The following ATRNL1 variants were observed in gnomAD, a reference collection of about 807,000 sequenced individuals.
ATRNL1 encodes attractin-like protein 1.
A neutral mutation model predicts 182.7 loss-of-function variants in ATRNL1; 95 were observed. The observed-to-expected ratio is 0.52, with a 90% CI of 0.44 to 0.62. The LOEUF (loss-of-function observed/expected upper bound fraction) is 0.62, where lower values mean the gene tolerates loss of function less well. ATRNL1 is among the 20% of genes least tolerant of loss of function. The probability of loss-of-function intolerance (pLI) is 0.00; values close to 1 mark genes in which losing one functional copy is unlikely to be tolerated. For synonymous variants in ATRNL1, 576 were observed against 568.3 expected (o/e 1.01, Z -0.19); for missense variants, 1,471 against 1,679.5 (o/e 0.88, Z 2.17).
chr10:115,940,317 G>A (rs1351712145), intron 28 of ATRNL1, among the ~76,000 whole-genome samples: 1 of 152,166 alleles, frequency 6.6e-6, no homozygotes, highest in African/African-American at 2.4e-5. Context: ...CTGGCCATTT[G>A]GGGCCAGTCG....
chr10:115,392,394 A>G (rs1208000570), intron 19 of ATRNL1, among the ~76,000 whole-genome samples: 1 of 152,144 alleles, frequency 6.6e-6, no homozygotes, highest in Non-Finnish European at 1.5e-5. Flanking sequence ...CTTAGTTAAT[A>G]TAAGGAACTC....
intron 24 of ATRNL1, among the ~76,000 whole-genome samples, chr10:115,505,955 G>GAA (rs1242111642): frequency 1.5e-5 from 2 of 136,548 alleles, no homozygotes; most frequent in Non-Finnish European, 1.6e-5. Flanking sequence ...CCTGGTGGAA[G>GAA]AAAAAAAAAA....
intron 24 of ATRNL1, among the ~76,000 whole-genome samples, chr10:115,477,526 A>T (rs1848588612): frequency 6.6e-6 from 1 of 151,564 alleles, no homozygotes; most frequent in South Asian, 2.1e-4. Context: ...ACACCTGTCT[A>T]ACTTCCTCCT....
At chr10:115,463,746 G>T (rs1847925235) in intron 22 of ATRNL1, among the ~76,000 whole-genome samples, 1 of 151,936 alleles carries the variant, frequency 6.6e-6, no homozygotes, top group Non-Finnish European at 1.5e-5. Flanking sequence ...TCATATAAAT[G>T]TAATCATTTG....
intron 7 of ATRNL1, among the ~76,000 whole-genome samples, chr10:115,167,354 T>C (rs1475271468): frequency 3.3e-5 from 5 of 152,114 alleles, no homozygotes; most frequent in Admixed American, 6.6e-5. Context: ...ACTTTGTTTT[T>C]ATTTCTCAAG....
Position 115,180,186 on chromosome 10 carries a change from G to A in ATRNL1, c.1348+8894G>A, listed in dbSNP as rs573681468. Among the ~76,000 whole-genome samples, 333 of 151,712 alleles carry A rather than the reference G, an allele frequency of 2.2e-3. 5 individuals carry two copies. The highest frequency in any genetic ancestry group is 7.7e-3 in the African/African-American group (318 of 41,446). ...AAAATCATGTTAATTTAAAAAAATT[G>A]TTGATTTTTTTCAACTTCTCCATTA... On this transcript the variant is annotated intron_variant, in intron 8 of 28. Coordinates refer to ENST00000355044, the MANE Select transcript of ATRNL1 (RefSeq NM_207303.4).
intron 26 of ATRNL1, among the ~76,000 whole-genome samples, chr10:115,689,681 A>G (rs192543801): frequency 6.6e-5 from 10 of 152,246 alleles, no homozygotes; most frequent in African/African-American, 9.6e-5. Flanking sequence ...GAAAGTATGT[A>G]TCTCTGGGTC....
At chr10:115,208,009 G>T (rs1315300911) in intron 8 of ATRNL1, among the ~76,000 whole-genome samples, 13 of 151,650 alleles carry the variant, frequency 8.6e-5, no homozygotes, top group African/African-American at 3.1e-4. Context: ...TTGTTATCCA[G>T]GTTTTTCAAT....
At chr10:115,474,612 A>G (rs1198797535) in intron 24 of ATRNL1, among the ~76,000 whole-genome samples, 3 of 151,024 alleles carry the variant, frequency 2.0e-5, no homozygotes, top group Non-Finnish European at 4.4e-5. Context: ...GAGTATCACC[A>G]GGGATCTTGG....
chr10:115,864,238 G>C (rs1951381299), intron 28 of ATRNL1, among the ~76,000 whole-genome samples: 1 of 150,728 alleles, frequency 6.6e-6, no homozygotes, highest in Non-Finnish European at 1.5e-5. Flanking sequence ...CAGCCTCGGA[G>C]CCTGGGTAAC....
At chr10:115,130,599 A>G (rs2143715431) in intron 5 of ATRNL1, among the ~76,000 whole-genome samples, 1 of 152,222 alleles carries the variant, frequency 6.6e-6, no homozygotes, top group South Asian at 2.1e-4. Flanking sequence ...TACCAATTGC[A>G]ATTATGTCAG....
intron 5 of ATRNL1, among the ~76,000 whole-genome samples, chr10:115,129,998 A>C (rs2143709603): frequency 6.6e-6 from 1 of 152,274 alleles, no homozygotes; most frequent in East Asian, 1.9e-4. Context: ...AAAGAACTAG[A>C]CTATTTTTAA....
At chr10:115,702,955 G>A (rs1326469712) in intron 26 of ATRNL1, among the ~76,000 whole-genome samples, 1 of 151,566 alleles carries the variant, frequency 6.6e-6, no homozygotes, top group Non-Finnish European at 1.5e-5. Flanking sequence ...AGAAAAAAAA[G>A]CCCAAATAGG....
At chr10:115,944,035 A>G (rs543040962) in intron 28 of ATRNL1, among the ~76,000 whole-genome samples, 2 of 151,966 alleles carry the variant, frequency 1.3e-5, no homozygotes, top group Non-Finnish European at 2.9e-5. Context: ...GACTTGGGGA[A>G]AGGGGGATAG....
intron 5 of ATRNL1, among the ~76,000 whole-genome samples, chr10:115,151,853 C>T (rs1233084265): frequency 2.6e-5 from 4 of 152,146 alleles, no homozygotes; most frequent in Non-Finnish European, 5.9e-5. Flanking sequence ...TTAGGTCCAA[C>T]ATTTAAGTCT....
chr10:115,492,960 G>C (rs879973948), intron 24 of ATRNL1, among the ~76,000 whole-genome samples: 1 of 151,780 alleles, frequency 6.6e-6, no homozygotes, highest in Non-Finnish European at 1.5e-5. Context: ...AGTATTTTTT[G>C]ATGGAAATGT....
chr10:115,312,841 A>C (rs1221495901), intron 17 of ATRNL1, among the ~76,000 whole-genome samples: 1 of 151,980 alleles, frequency 6.6e-6, no homozygotes, highest in Non-Finnish European at 1.5e-5. Flanking sequence ...GATTGGTATA[A>C]TTCAAAAGCT....
At chr10:115,763,761 T>C (rs183338648) in intron 27 of ATRNL1, among the ~76,000 whole-genome samples, 6 of 152,328 alleles carry the variant, frequency 3.9e-5, no homozygotes, top group African/African-American at 1.4e-4. Flanking sequence ...CATATACATA[T>C]GTATGTATGT....
At chr10:115,716,990 G>C (rs1160485966) in intron 26 of ATRNL1, among the ~76,000 whole-genome samples, 1 of 152,098 alleles carries the variant, frequency 6.6e-6, no homozygotes, top group Non-Finnish European at 1.5e-5. Flanking sequence ...GCTCTTTGAG[G>C]AGTAATATGT....
Sources: gnomAD v4.1 joint callset for allele counts (sites outside exome capture counted in the v4.1 genomes callset) on GRCh38, gnomAD v4.1.1 for gene constraint, MANE v1.5 for transcripts, NCBI Gene and HGNC (gene_info 2026-07-23, HGNC 2026-07-21) for gene names.